Variants in FNBP1L observed in about 807,000 individuals in gnomAD.
The protein encoded by FNBP1L is formin binding protein 1 like, also known as formin-binding protein 1-like.
Under a neutral mutation model 91.2 loss-of-function variants are expected in FNBP1L, and 36 were observed. That is an observed-to-expected ratio of 0.39 (90% CI 0.30 to 0.52). The LOEUF (loss-of-function observed/expected upper bound fraction) is 0.52, where lower values mean the gene tolerates loss of function less well. Among genes scored for constraint, FNBP1L ranks in the 20% least tolerant of loss-of-function variants. The pLI is 0.66. For synonymous variants in FNBP1L, 242 were observed against 237.0 expected, an observed-to-expected ratio of 1.02 and a Z score of -0.19; for missense variants, 571 against 732.1, an observed-to-expected ratio of 0.78 and a Z score of 2.54.
At chr1:93,461,733 G>C (rs1256162932) in intron 1 of FNBP1L, among the ~76,000 whole-genome samples, 2 of 152,178 alleles carry the variant, frequency 1.3e-5, no homozygotes, top group Non-Finnish European at 1.5e-5. Context: ...GTATGCCAAA[G>C]CAAAGAATAT....
intron 1 of FNBP1L, among the ~76,000 whole-genome samples, chr1:93,459,941 ATGTGTGTGTGTGTG>A (rs34705153): frequency 2.0e-4 from 28 of 142,168 alleles, no homozygotes; most frequent in African/African-American, 5.4e-4. Context: ...TGGATTTCAG[ATGTGTGTGTGTGTG>A]TGTGTGTGTG....
intron 2 of FNBP1L, among the ~76,000 whole-genome samples, chr1:93,509,092 C>A (rs1023328646): frequency 6.6e-6 from 1 of 152,100 alleles, no homozygotes; most frequent in Non-Finnish European, 1.5e-5. Context: ...TATGTGGTCA[C>A]CGTGACCACA....
intron 2 of FNBP1L, among the ~76,000 whole-genome samples, chr1:93,504,500 G>A (rs887800009): frequency 2.0e-5 from 3 of 152,138 alleles, no homozygotes; most frequent in East Asian, 3.8e-4. Flanking sequence ...TATCAGCAGC[G>A]TGAAAACGAA....
chr1:93,460,221 T>C (rs141570789), intron 1 of FNBP1L, among the ~76,000 whole-genome samples: 265 of 152,298 alleles, frequency 1.7e-3, no homozygotes, highest in Middle Eastern at 3.4e-3. Context: ...ATTACAGCCC[T>C]TATAAAAGGA....
intron 12 of FNBP1L, among the ~76,000 whole-genome samples, chr1:93,546,148 AG>A (rs1046631004): frequency 2.0e-5 from 3 of 152,128 alleles, no homozygotes; most frequent in Non-Finnish European, 2.9e-5. Flanking sequence ...ACACATTTAA[AG>A]GTTGAACAAA....
At chr1:93,449,398 C>G (rs1668406258) in intron 1 of FNBP1L, among the ~76,000 whole-genome samples, 1 of 152,118 alleles carries the variant, frequency 6.6e-6, no homozygotes, top group Non-Finnish European at 1.5e-5. Context: ...GTTTTCCGTG[C>G]CTTTTGTTCG....
intron 5 of FNBP1L, among the ~76,000 whole-genome samples, chr1:93,526,760 CT>C (rs1235033074): frequency 6.6e-6 from 1 of 152,122 alleles, no homozygotes; most frequent in Non-Finnish European, 1.5e-5. Context: ...GTTATATTAT[CT>C]TTCAGGGAAG....
In FNBP1L at chr1:93,553,725, T is replaced by A. The variant is rs1055253433; in HGVS notation, c.*1309T>A. 19 of 152,646 alleles carry A rather than the reference T, an allele frequency of 1.2e-4. No homozygotes were observed. The highest frequency in any genetic ancestry group is 4.6e-4 in the African/African-American group (19 of 41,458). The allele number at this position is 152,646 out of a possible 1,614,324, so 9.5% of individuals were successfully genotyped here. The stretch of plus-strand genomic sequence containing the variant: ...GTATGTTTATACTTGTAAATATGAT[T>A]GTTGTTAGTGCTCCTGTTGCTCATG... On this transcript the variant is annotated 3_prime_UTR_variant, in exon 17 of 17. Coordinates refer to ENST00000271234, the MANE Select transcript of FNBP1L (RefSeq NM_001164473.3).
intron 6 of FNBP1L, 54 bp downstream of exon 6, chr1:93,529,810 G>A: frequency 9.3e-7 from 1 of 1,071,772 alleles, no homozygotes. Flanking sequence ...TTTGCATAAG[G>A]AAAGTAGTCA....
At chr1:93,545,474 A>G (rs1166497535) in intron 12 of FNBP1L, among the ~76,000 whole-genome samples, 1 of 152,154 alleles carries the variant, frequency 6.6e-6, no homozygotes, top group Non-Finnish European at 1.5e-5. Context: ...GTGCTAATCC[A>G]GAGAGACTTG....
At chr1:93,453,494 A>T (rs1055619586) in intron 1 of FNBP1L, among the ~76,000 whole-genome samples, 5 of 152,202 alleles carry the variant, frequency 3.3e-5, no homozygotes, top group African/African-American at 1.2e-4. Context: ...AAAAAAACCT[A>T]TTCTACCAAC....
intron 11 of FNBP1L, among the ~76,000 whole-genome samples, chr1:93,543,354 C>A (rs978696364): frequency 6.6e-6 from 1 of 152,096 alleles, no homozygotes; most frequent in African/African-American, 2.4e-5. Flanking sequence ...AATATCAAAA[C>A]TTTAAAAAAT....
At chr1:93,510,942 A>G (rs1025339927) in intron 2 of FNBP1L, among the ~76,000 whole-genome samples, 67 of 152,182 alleles carry the variant, frequency 4.4e-4, no homozygotes, top group South Asian at 2.1e-4. Flanking sequence ...CCTCGAAGAA[A>G]TATGGGACTA....
At chr1:93,474,813 T>A (rs1669435640) in intron 1 of FNBP1L, among the ~76,000 whole-genome samples, 1 of 152,212 alleles carries the variant, frequency 6.6e-6, no homozygotes, top group Non-Finnish European at 1.5e-5. Context: ...GTTACCTTAC[T>A]AAATAACTAC....
At chr1:93,507,803 C>T (rs574676504) in intron 2 of FNBP1L, among the ~76,000 whole-genome samples, 182 of 152,088 alleles carry the variant, frequency 1.2e-3, no homozygotes, top group African/African-American at 4.1e-3. Flanking sequence ...TGTACACCAC[C>T]GCATCTGGCT....
chr1:93,522,723 A>G (rs1371554523), intron 3 of FNBP1L, among the ~76,000 whole-genome samples: 1 of 152,174 alleles, frequency 6.6e-6, no homozygotes, highest in Non-Finnish European at 1.5e-5. Flanking sequence ...TGAGCTGTTA[A>G]TCTTCATCTG....
rs760475987 is a variant in FNBP1L, at chr1:93,551,030, G to A, written c.1735G>A (p.Ala579Thr). 4 of 1,612,910 alleles carry A rather than the reference G, an allele frequency of 2.5e-6. No individual in the cohort carries two copies. In the East Asian group the frequency reaches 6.7e-5, roughly 27 times the overall value. ...GGACAAAGGTGACGGATGGACAAGA[G>A]CTCGGAGACAGAACGGTGAAGAAGG... ...EEDKGDGWTR[A>T]RRQNGEEGYV... The change falls in exon 16 of 17, where the codon GCT (alanine) becomes ACT (threonine). Residue 579 changes from alanine to threonine, a missense_variant. Ala to Thr is a moderately conservative substitution (Grantham distance 58). Transcript: ENST00000271234.
intron 1 of FNBP1L, among the ~76,000 whole-genome samples, chr1:93,448,930 G>C (rs1252372286): frequency 6.6e-6 from 1 of 152,226 alleles, no homozygotes; most frequent in South Asian, 2.1e-4. Flanking sequence ...TGCTTCGGGC[G>C]GGCACAGCTT....
At chr1:93,470,872 C>CAAA (rs560465033) in intron 1 of FNBP1L, among the ~76,000 whole-genome samples, 2 of 76,270 alleles carry the variant, frequency 2.6e-5, no homozygotes, top group African/African-American at 4.9e-5. Flanking sequence ...GACTCCATCT[C>CAAA]AAAAAAAAAA....
Sources: gnomAD v4.1 joint callset for allele counts (sites outside exome capture counted in the v4.1 genomes callset) on GRCh38, gnomAD v4.1.1 for gene constraint, MANE v1.5 for transcripts, NCBI Gene and HGNC (gene_info 2026-07-23, HGNC 2026-07-21) for gene names.